NCKAP5L: variants seen among roughly 807,000 people sequenced by gnomAD.
NCKAP5L encodes NCK associated protein 5 like, also known as nck-associated protein 5-like.
Under a neutral mutation model 103.2 loss-of-function variants are expected in NCKAP5L, and 54 were observed. The observed-to-expected ratio is 0.52, with a 90% CI of 0.42 to 0.66. The LOEUF (loss-of-function observed/expected upper bound fraction) is 0.66. Among genes scored for constraint, NCKAP5L ranks in the 30% least tolerant of loss-of-function variants. The pLI is 0.00. For synonymous variants in NCKAP5L, 762 were observed against 748.6 expected (o/e 1.02, Z -0.29); for missense variants, 1,733 against 1,750.6 (o/e 0.99, Z 0.18).
chr12:49,817,813 A>G (rs1946315222), intron 1 of NCKAP5L, among the ~76,000 whole-genome samples: 1 of 152,188 alleles, frequency 6.6e-6, no homozygotes, highest in South Asian at 2.1e-4. Context: ...ACCATATATA[A>G]AAATCAACTC....
intron 1 of NCKAP5L, among the ~76,000 whole-genome samples, chr12:49,812,020 C>T (rs984264713): frequency 6.6e-5 from 10 of 152,186 alleles, no homozygotes; most frequent in African/African-American, 2.4e-4. Context: ...TGACCACTTC[C>T]TCCTGGACTT....
rs950401831 is a variant in NCKAP5L, at chr12:49,801,842, G to A, written c.351+6C>T. Reference sequence around the variant, plus strand: ...CGATGGGAGTGAAAGGAGCGCAGATGCCTACCTGAGGGAGCGAGCCTGTCG... The same window carrying A: ...CGATGGGAGTGAAAGGAGCGCAGATACCTACCTGAGGGAGCGAGCCTGTCG... On this transcript the variant is annotated splice_donor_region_variant and intron_variant, in intron 6 of 12. Transcript: ENST00000335999. The A allele has an allele frequency of 1.2e-6, 2 of 1,613,764 alleles. No individual in the cohort carries two copies. The highest frequency in any genetic ancestry group is 2.7e-5 in the African/African-American group (2 of 74,918).
chr12:49,815,470 G>A (rs928066285), intron 1 of NCKAP5L, among the ~76,000 whole-genome samples: 1 of 152,126 alleles, frequency 6.6e-6, no homozygotes, highest in African/African-American at 2.4e-5. Flanking sequence ...TTCCAGCTAT[G>A]GCCATTGGCC....
chr12:49,793,358 A>G lies in NCKAP5L; in HGVS notation c.3334T>C (p.Phe1112Leu). ...SLAEPVPTSH[F>L]TACGSLTRTL... ...AGCCCCTGACCCTGCTGACCTGTGA[A>G]GTGTGAGGTGGGCACTGGCTCGGCC... The change falls in exon 10 of 13, where the codon TTC becomes CTC. Residue 1112 changes from phenylalanine to leucine, a missense_variant. Physicochemically the swap from Phe to Leu is conservative, Grantham distance 22 (BLOSUM62 0). Coordinates refer to ENST00000335999, the MANE Select transcript of NCKAP5L (RefSeq NM_001037806.4). 6.2e-7 allele frequency: 1 copy of G among 1,607,088 alleles called. No individual in the cohort carries two copies. Among genetic ancestry groups the G allele is most frequent in the East Asian group, 2.2e-5 (1 of 44,876 alleles).
chr12:49,791,687 G>T lies in NCKAP5L; in HGVS notation c.*152C>A. On this transcript the variant is annotated 3_prime_UTR_variant, in exon 13 of 13. Coordinates refer to ENST00000335999, the MANE Select transcript of NCKAP5L (RefSeq NM_001037806.4). ...TCATCCGCCGAAGCAGTGGGTGGTG[G>T]GGTGTGCCAGGGACCCCCTTTTCAC... is the stretch of plus-strand genomic sequence containing the variant. 1.6e-6 allele frequency: 1 copy of T among 621,408 alleles called. No individual in the cohort carries two copies. The highest frequency in any genetic ancestry group is 2.7e-6 in the Non-Finnish European group (1 of 368,978). The allele number at this position is 621,408 out of a possible 1,614,324, so 38.5% of individuals were successfully genotyped here.
chr12:49,809,492 G>A (rs1946216765), intron 1 of NCKAP5L, among the ~76,000 whole-genome samples: 1 of 152,076 alleles, frequency 6.6e-6, no homozygotes, highest in Admixed American at 6.5e-5. Flanking sequence ...GGGGAGGGTG[G>A]GCAGCTGTAG....
Position 49,792,287 on chromosome 12 carries a change from G to C in NCKAP5L, c.3792+159C>G. On this transcript the variant is annotated intron_variant, in intron 12 of 12. Transcript: ENST00000335999. This position sits in a 1 kb window ranked among gnomAD's most constrained non-coding sequence, Gnocchi z 4.5. ...GAGAGAAGTGCAAGGAGGGCAGTGGGGAGGGCCGCTCACAGGGCATCCCAG... is the reference window on the plus strand; with the variant it reads ...GAGAGAAGTGCAAGGAGGGCAGTGGCGAGGGCCGCTCACAGGGCATCCCAG... 3 of 1,423,082 alleles carry C rather than the reference G, an allele frequency of 2.1e-6. No individual in the cohort carries two copies. Among genetic ancestry groups the C allele is most frequent in the Non-Finnish European group, 2.9e-6 (3 of 1,041,564 alleles). The allele number at this position is 1,423,082 out of a possible 1,614,324, so 88.2% of individuals were successfully genotyped here. A position where few individuals can be genotyped will look rare whatever the true frequency, so the allele number is the denominator to read the frequency against.
chr12:49,827,477 G>A lies in NCKAP5L; in HGVS notation c.-99+845C>T, dbSNP rs537993660. 1.6e-4 allele frequency among the ~76,000 whole-genome samples: 25 copies of A among 152,382 alleles called. No individual in the cohort carries two copies. The South Asian group carries it at 5.2e-3, about 32-fold the overall frequency. On this transcript the variant is annotated intron_variant, in intron 1 of 12. Transcript: ENST00000335999. ...CTCTGTGCCCTTGGGGCCGTGCCAG[G>A]ACTGGAGATAACGCGGGACCTTGGG... is the stretch of plus-strand genomic sequence containing the variant.
chr12:49,804,110 A>C (rs1946153683), intron 2 of NCKAP5L, 30 bp from the exon 3 acceptor site: 1 of 1,590,712 alleles, frequency 6.3e-7, no homozygotes, highest in Non-Finnish European at 8.5e-7. Context: ...GGAAGTGAGA[A>C]GGAGGAGGAC....
chr12:49,808,805 A>T (rs570471603), intron 1 of NCKAP5L, among the ~76,000 whole-genome samples: 63 of 152,242 alleles, frequency 4.1e-4, no homozygotes, highest in African/African-American at 1.4e-3. Context: ...GGGTTTTTGG[A>T]ATGGCTCTGG....
In NCKAP5L at chr12:49,804,039, T is replaced by C; in HGVS notation, c.6A>G (p.Ser2=). 2 of 1,610,484 alleles carry C rather than the reference T, an allele frequency of 1.2e-6. No individual in the cohort carries two copies. Among genetic ancestry groups the C allele is most frequent in the East Asian group, 4.5e-5 (2 of 44,892 alleles). The change falls in exon 3 of 13, where the codon TCA becomes TCG. Residue 2 remains serine, a synonymous_variant. Transcript: ENST00000335999. M[S]EAMDQPAGGP... ...CCCCAGCTGGCTGGTCCATGGCCTC[T>C]GACATCTGGCCCTGGGAACAAGGAA...
In NCKAP5L at chr12:49,796,461, TCTC is replaced by T; in HGVS notation, c.1396_1398del (p.Glu466del). On this transcript the variant is annotated inframe_deletion, in exon 8 of 13. Transcript: ENST00000335999. ...TGCGGGCCTCCTGGGCTGGGGCTCTTCTCCGAGGTTGGAGGCAGCTTTAGAAAC... is the reference window on the plus strand; with the variant it reads ...TGCGGGCCTCCTGGGCTGGGGCTCTTCGAGGTTGGAGGCAGCTTTAGAAAC... 1.3e-6 allele frequency: 2 copies of T among 1,532,566 alleles called. No individual in the cohort carries two copies. Among genetic ancestry groups the T allele is most frequent in the Non-Finnish European group, 1.8e-6 (2 of 1,141,204 alleles). The allele number at this position is 1,532,566 out of a possible 1,614,324, so 94.9% of individuals were successfully genotyped here. A position where few individuals can be genotyped will look rare whatever the true frequency, so the allele number is the denominator to read the frequency against.
intron 1 of NCKAP5L, among the ~76,000 whole-genome samples, chr12:49,812,269 A>C (rs889717653): frequency 1.3e-5 from 2 of 152,126 alleles, no homozygotes; most frequent in African/African-American, 4.8e-5. Context: ...TTTCATGTGA[A>C]TTCAATCATA....
intron 7 of NCKAP5L, 72 bp downstream of exon 7, chr12:49,798,278 G>A (rs915374939): frequency 1.5e-6 from 2 of 1,360,130 alleles, no homozygotes; most frequent in African/African-American, 2.9e-5. Context: ...TGAGCACTGG[G>A]AAACAGCCCT....
chr12:49,796,469 G>A lies in NCKAP5L; in HGVS notation c.1391C>T (p.Thr464Ile), dbSNP rs1231315545. ...TCCTGGGCTGGGGCTCTTCTCCGAG[G>A]TTGGAGGCAGCTTTAGAAACTTGAG... ...RGLKFLKLPP[T>I]SEKSPSPGGP... The change falls in exon 8 of 13, where the codon ACC becomes ATC. Residue 464 changes from threonine (T) to isoleucine (I), a missense_variant. Transcript: ENST00000335999. The A allele has an allele frequency of 2.6e-6, 4 of 1,532,210 alleles. No individual in the cohort carries two copies. The highest frequency in any genetic ancestry group is 2.6e-6 in the Non-Finnish European group (3 of 1,140,968). The allele number at this position is 1,532,210 out of a possible 1,614,324, so 94.9% of individuals were successfully genotyped here.
intron 6 of NCKAP5L, 57 bp downstream of exon 6, chr12:49,801,791 T>G: frequency 6.2e-7 from 1 of 1,602,870 alleles, no homozygotes; most frequent in Non-Finnish European, 8.5e-7. Flanking sequence ...ATGGGGCCGA[T>G]GGAGCCGAGG....
chr12:49,826,674 G>A (rs1337430993), intron 1 of NCKAP5L, among the ~76,000 whole-genome samples: 4 of 152,152 alleles, frequency 2.6e-5, no homozygotes, highest in Admixed American at 6.5e-5. Context: ...TAAAGATGGG[G>A]AAACTGAGCC....
At chr12:49,820,564 C>T (rs1046313455) in intron 1 of NCKAP5L, among the ~76,000 whole-genome samples, 1 of 152,202 alleles carries the variant, frequency 6.6e-6, no homozygotes, top group Non-Finnish European at 1.5e-5. Context: ...ATCCACCCAC[C>T]TTGGCCTCCC....
chr12:49,801,930 A>C lies in NCKAP5L; in HGVS notation c.269T>G (p.Val90Gly). The change falls in exon 6 of 13, where the codon GTG becomes GGG. Residue 90 changes from valine (V) to glycine (G), a missense_variant. Transcript: ENST00000335999. ...CTGGTTCTGCCGTTCCAGGTCAAAC[A>C]CTCTCTTCTTCAGCTTGATGCACTC... ...REECIKLKKR[V>G]FDLERQNQML... 1 of 1,613,662 alleles carries C rather than the reference A, an allele frequency of 6.2e-7. No homozygotes were observed. The highest frequency in any genetic ancestry group is 8.5e-7 in the Non-Finnish European group (1 of 1,179,816).
Sources: gnomAD v4.1 joint callset for allele counts (sites outside exome capture counted in the v4.1 genomes callset) on GRCh38, gnomAD v4.1.1 for gene constraint, Gnocchi (gnomAD v3.1) non-coding constraint, MANE v1.5 for transcripts, NCBI Gene and HGNC (gene_info 2026-07-23, HGNC 2026-07-21) for gene names.